The following INO80 variants were observed in gnomAD, a reference collection of about 807,000 sequenced individuals.
INO80 encodes chromatin-remodeling ATPase INO80.
Under a neutral mutation model 203.4 loss-of-function variants are expected in INO80, and 20 were observed. That is an observed-to-expected ratio of 0.10 (90% CI 0.07 to 0.14). The LOEUF (loss-of-function observed/expected upper bound fraction) is 0.14. Ranked by LOEUF, INO80 falls within the 10% of genes least tolerant of loss-of-function variation. INO80 has a pLI of 1.00. For synonymous variants in INO80, 726 were observed against 685.2 expected, an observed-to-expected ratio of 1.06 and a Z score of -0.93; for missense variants, 1,419 against 1,914.4, an observed-to-expected ratio of 0.74 and a Z score of 4.83.
At chr15:41,092,313 C>T in intron 4 of INO80, 131 bp from the exon 5 acceptor site, 1 of 574,748 alleles carries the variant, frequency 1.7e-6, no homozygotes. Context: ...CCCCTTATGA[C>T]ATGCTTTATA....
At chr15:41,046,268 T>C (rs1306229373) in intron 23 of INO80, among the ~76,000 whole-genome samples, 1 of 140,940 alleles carries the variant, frequency 7.1e-6, no homozygotes, top group Non-Finnish European at 1.5e-5. Context: ...CTTGTTCTGT[T>C]GCCCGGGCTG....
At chr15:41,043,501 C>A (rs1189593745) in intron 24 of INO80, among the ~76,000 whole-genome samples, 1 of 152,132 alleles carries the variant, frequency 6.6e-6, no homozygotes, top group Non-Finnish European at 1.5e-5. Context: ...CCAAAAATTA[C>A]ATGAAGCAAT....
At chr15:41,111,580 G>A (rs1230473242) in intron 1 of INO80, among the ~76,000 whole-genome samples, 3 of 152,038 alleles carry the variant, frequency 2.0e-5, no homozygotes, top group East Asian at 1.9e-4. Context: ...TAAGGTGGGC[G>A]GATCATGAGG....
At chr15:40,986,314 T>C (rs1407135826) in intron 31 of INO80, among the ~76,000 whole-genome samples, 1 of 146,210 alleles carries the variant, frequency 6.8e-6, no homozygotes, top group Non-Finnish European at 1.5e-5. Flanking sequence ...TACTCCACAA[T>C]GCTTTTTTTT....
chr15:41,058,570 CGTGTGT>C (rs67053863), intron 16 of INO80, 63 bp downstream of exon 16: 831 of 542,180 alleles, frequency 1.5e-3, no homozygotes, highest in African/African-American at 2.3e-3. Flanking sequence ...TGTGTGTGTG[CGTGTGT>C]GTGTGTGTGT....
At position 40,980,234 on chromosome 15, in the gene INO80, C is replaced by T; in HGVS notation, c.4660G>A (p.Gly1554Arg). ...RKQGKGTNPS[G>R]GR Reference sequence around the variant, plus strand: ...GAGGGCCCAGATGGTTACCGTCCTCCAGAGGGGTTGGTGCCTTTGCCCTGT... The same window carrying T: ...GAGGGCCCAGATGGTTACCGTCCTCTAGAGGGGTTGGTGCCTTTGCCCTGT... Residue 1554 changes from glycine (G) to arginine (R), a missense_variant, in exon 36 of 36, where the codon GGA becomes AGA. Physicochemically the swap from Gly to Arg is moderately radical, Grantham distance 125. Transcript: ENST00000648947. The T allele has an allele frequency of 3.7e-6, 6 of 1,612,730 alleles. No individual in the cohort carries two copies. Among genetic ancestry groups the T allele is most frequent in the Non-Finnish European group, 5.1e-6 (6 of 1,179,966 alleles).
chr15:41,097,406 A>C (rs573152015), intron 1 of INO80, among the ~76,000 whole-genome samples: 1 of 152,312 alleles, frequency 6.6e-6, no homozygotes, highest in South Asian at 2.1e-4. Context: ...TAAATACTTA[A>C]AGGGTTACAC....
intron 18 of INO80, 94 bp downstream of exon 18, chr15:41,055,153 T>C (rs2044960243): frequency 1.5e-6 from 1 of 679,698 alleles, no homozygotes; most frequent in Non-Finnish European, 2.5e-6. Flanking sequence ...CTATGTATAC[T>C]GGAAGAAAAA....
chr15:41,080,881 A>C, intron 8 of INO80, 139 bp downstream of exon 8: 1 of 663,310 alleles, frequency 1.5e-6, no homozygotes, highest in Non-Finnish European at 2.7e-6. Flanking sequence ...ACAGCTTGAG[A>C]ACATTCAGAA....
At position 41,064,628 on chromosome 15, in the gene INO80, A is replaced by C. The variant is rs367992137; in HGVS notation, c.1783-4702T>G. ...ATGGCTAAAGTCATGCTCAGAAAGCAATGAGTATCCTTAAATGTACATCTA... is the reference window on the plus strand; with the variant it reads ...ATGGCTAAAGTCATGCTCAGAAAGCCATGAGTATCCTTAAATGTACATCTA... On this transcript the variant is annotated intron_variant, in intron 14 of 35. Coordinates refer to ENST00000648947, the MANE Select transcript of INO80 (RefSeq NM_017553.3). Among the ~76,000 whole-genome samples the C allele has an allele frequency of 8.6e-4, 131 of 152,350 alleles. 2 individuals carry two copies. The highest frequency in any genetic ancestry group is 3.4e-3 in the Middle Eastern group (1 of 294).
rs200587640 is a variant in INO80 at position 40,980,196 on chromosome 15, T to G, written c.*27A>C. The G allele has an allele frequency of 1.9e-6, 3 of 1,594,824 alleles. No individual in the cohort carries two copies. In the African/African-American group the frequency reaches 4.0e-5, roughly 21 times the overall value. ...GGTCAGGACTCTAGCCCTGGTTTGG[T>G]TGAAGGAAGTCGGAGGGCCCAGATG... On this transcript the variant is annotated 3_prime_UTR_variant, in exon 36 of 36. Transcript: ENST00000648947.
At chr15:41,023,218 A>G (rs2044321036) in intron 25 of INO80, 2 of 453,446 alleles carry the variant, frequency 4.4e-6, no homozygotes, top group Non-Finnish European at 4.4e-6. Context: ...AAGAAAGCAA[A>G]TAAATACAGG....
intron 31 of INO80, among the ~76,000 whole-genome samples, chr15:40,986,535 G>C (rs1292672688): frequency 6.6e-6 from 1 of 152,038 alleles, no homozygotes; most frequent in Non-Finnish European, 1.5e-5. Context: ...AGGTTGGCCA[G>C]GCTAGTCTTG....
intron 1 of INO80, among the ~76,000 whole-genome samples, chr15:41,115,576 G>C (rs752621417): frequency 1.3e-5 from 2 of 152,064 alleles, no homozygotes; most frequent in African/African-American, 4.8e-5. Context: ...CAACCTTCAC[G>C]GGGTTCCCAC....
chr15:41,070,829 T>C (rs908333219), intron 12 of INO80, among the ~76,000 whole-genome samples: 5 of 152,044 alleles, frequency 3.3e-5, no homozygotes, highest in African/African-American at 1.2e-4. Flanking sequence ...AGACAAACCA[T>C]AAGAAATACA....
intron 24 of INO80, among the ~76,000 whole-genome samples, chr15:41,034,246 G>T (rs1339581426): frequency 1.3e-5 from 2 of 152,170 alleles, no homozygotes; most frequent in Admixed American, 1.3e-4. Context: ...ACCATAGGGT[G>T]GGTGAGTGCA....
intron 1 of INO80, among the ~76,000 whole-genome samples, chr15:41,100,907 C>T (rs1237494300): frequency 2.0e-5 from 3 of 151,186 alleles, no homozygotes; most frequent in Non-Finnish European, 2.9e-5. Flanking sequence ...CCGCTCACTA[C>T]AATCTCCGCC....
chr15:41,104,652 C>T (rs112957667), intron 1 of INO80, among the ~76,000 whole-genome samples: 42 of 152,244 alleles, frequency 2.8e-4, no homozygotes, highest in African/African-American at 1.0e-3. Context: ...ATTCTCCTGC[C>T]TCAGTCTTCC....
intron 26 of INO80, among the ~76,000 whole-genome samples, 181 bp from the exon 27 acceptor site, chr15:41,016,396 T>C (rs2044211167): frequency 2.0e-5 from 3 of 152,184 alleles, no homozygotes; most frequent in South Asian, 2.1e-4. Context: ...AGGAGTGCCC[T>C]GGGAAAAAAC....
Sources: allele counts gnomAD v4.1 joint callset (sites outside exome capture counted in the v4.1 genomes callset), GRCh38; gene constraint gnomAD v4.1.1; transcripts MANE v1.5; gene names NCBI Gene and HGNC (gene_info 2026-07-23, HGNC 2026-07-21).